Variants in NCKAP5 observed in about 807,000 individuals in gnomAD.
NCKAP5 encodes the protein nck-associated protein 5.
NCKAP5 carries 92 observed loss-of-function variants against 167.0 expected under a neutral mutation model. The ratio of observed to expected loss-of-function variants is 0.55; its 90% CI spans 0.47 to 0.66. The LOEUF (loss-of-function observed/expected upper bound fraction) is 0.66. Among genes scored for constraint, NCKAP5 ranks in the 30% least tolerant of loss-of-function variants. The pLI is 0.00. For missense variants in NCKAP5, 2,378 were observed against 2,315.0 expected, an observed-to-expected ratio of 1.03 and a Z score of -0.56; for synonymous variants, 891 against 877.4, an observed-to-expected ratio of 1.02 and a Z score of -0.27.
At chr2:133,540,660 G>C (rs1034449085) in intron 2 of NCKAP5, among the ~76,000 whole-genome samples, 2 of 152,076 alleles carry the variant, frequency 1.3e-5, no homozygotes, top group South Asian at 4.2e-4. Context: ...TGAAGGCCAG[G>C]CACAGTGGCT....
chr2:133,417,026 G>A (rs1235815080), intron 3 of NCKAP5, among the ~76,000 whole-genome samples: 1 of 151,354 alleles, frequency 6.6e-6, no homozygotes, highest in Non-Finnish European at 1.5e-5. Context: ...CAGATACTCT[G>A]CTTTTGAAAT....
At chr2:132,972,837 T>TG (rs2076874315) in intron 7 of NCKAP5, among the ~76,000 whole-genome samples, 1 of 147,342 alleles carries the variant, frequency 6.8e-6, no homozygotes, top group African/African-American at 2.5e-5. Context: ...CACTCCAGCC[T>TG]AGCAACACAG....
chr2:132,852,163 G>T (rs1457691275), intron 11 of NCKAP5, among the ~76,000 whole-genome samples: 1 of 152,048 alleles, frequency 6.6e-6, no homozygotes, highest in Non-Finnish European at 1.5e-5. Context: ...TTTTTACTAG[G>T]GGAGTTTTTA....
In NCKAP5 at chr2:133,355,771, T is replaced by C. The variant is rs113769111; in HGVS notation, c.70-52661A>G. 5.1e-4 allele frequency among the ~76,000 whole-genome samples: 78 copies of C among 152,274 alleles called. 1 individual carries two copies. The highest frequency in any genetic ancestry group is 1.8e-3 in the African/African-American group (73 of 41,562). ...TTCTTAAATTCGACCTAGGAAAGCA[T>C]AGTTTCCTCAAACCTTGCGTGTGGA... On this transcript the variant is annotated intron_variant, in intron 3 of 19. Coordinates refer to ENST00000409261, the MANE Select transcript of NCKAP5 (RefSeq NM_207363.3).
At chr2:133,277,270 T>G (rs1236708556) in intron 4 of NCKAP5, among the ~76,000 whole-genome samples, 1 of 152,156 alleles carries the variant, frequency 6.6e-6, no homozygotes, top group Non-Finnish European at 1.5e-5. Context: ...GTAGTACTCC[T>G]GGAAAATGAA....
chr2:132,975,610 C>T (rs910912342), intron 7 of NCKAP5, among the ~76,000 whole-genome samples: 1 of 152,190 alleles, frequency 6.6e-6, no homozygotes, highest in Non-Finnish European at 1.5e-5. Context: ...TAAAGGTATG[C>T]TCCAGGTGGC....
At chr2:133,397,792 C>A (rs1429518375) in intron 3 of NCKAP5, among the ~76,000 whole-genome samples, 1 of 152,146 alleles carries the variant, frequency 6.6e-6, no homozygotes. Flanking sequence ...AGTGTTTTAT[C>A]TAATTTGCAT....
At chr2:133,340,249 C>T (rs777561659) in intron 3 of NCKAP5, among the ~76,000 whole-genome samples, 2 of 152,068 alleles carry the variant, frequency 1.3e-5, no homozygotes, top group African/African-American at 4.8e-5. Flanking sequence ...AGGTAAATGA[C>T]TTTTTGTTGA....
At chr2:133,491,254 G>A (rs1305654321) in intron 3 of NCKAP5, among the ~76,000 whole-genome samples, 4 of 152,176 alleles carry the variant, frequency 2.6e-5, no homozygotes, top group South Asian at 2.1e-4. Flanking sequence ...TAATACACAC[G>A]TAAATAAATA....
the NCKAP5 span, among the ~76,000 whole-genome samples, chr2:133,667,320 G>T: frequency 6.6e-6 from 1 of 151,918 alleles, no homozygotes; most frequent in African/African-American, 2.4e-5. Context: ...ACATCAACCA[G>T]CCTCTCTCTT....
At chr2:133,128,012 C>T (rs1359482774) in intron 6 of NCKAP5, among the ~76,000 whole-genome samples, 1 of 152,120 alleles carries the variant, frequency 6.6e-6, no homozygotes. Context: ...TGTCCTGTTC[C>T]TCCATGAACT....
intron 4 of NCKAP5, among the ~76,000 whole-genome samples, chr2:133,297,727 A>G (rs1352958282): frequency 1.3e-5 from 2 of 152,226 alleles, no homozygotes; most frequent in African/African-American, 4.8e-5. Flanking sequence ...GGTGGTAGCC[A>G]TAAATTAATC....
chr2:132,860,801 G>T (rs1689842454), intron 10 of NCKAP5, among the ~76,000 whole-genome samples, 190 bp from the exon 11 acceptor site: 1 of 152,100 alleles, frequency 6.6e-6, no homozygotes, highest in African/African-American at 2.4e-5. Context: ...GTGCAAAGAA[G>T]ACCAATTTTT....
intron 6 of NCKAP5, among the ~76,000 whole-genome samples, chr2:133,054,009 T>A (rs1361798576): frequency 6.6e-6 from 1 of 152,210 alleles, no homozygotes; most frequent in East Asian, 1.9e-4. Flanking sequence ...AGATGCAGTG[T>A]ATGATGGATG....
chr2:132,951,001 G>A (rs1323302376), intron 8 of NCKAP5, among the ~76,000 whole-genome samples: 1 of 152,172 alleles, frequency 6.6e-6, no homozygotes, highest in Non-Finnish European at 1.5e-5. Context: ...TGAGACAAAG[G>A]TAAGGGAAAA....
intron 11 of NCKAP5, among the ~76,000 whole-genome samples, chr2:132,805,650 T>C (rs916940361): frequency 2.6e-5 from 3 of 114,998 alleles, no homozygotes; most frequent in African/African-American, 1.0e-4. Flanking sequence ...ACTGAAAAAA[T>C]AAAACTATGC....
rs546670143 is a variant in NCKAP5, at chr2:133,457,818, A to C, written c.69+59640T>G. ...TTCTTTTTTCTAGTTTTTTCATGCT[A>C]CACATAATAATTGGTTATGCAACTA... On this transcript the variant is annotated intron_variant, in intron 3 of 19. Coordinates refer to ENST00000409261, the MANE Select transcript of NCKAP5 (RefSeq NM_207363.3). 8.5e-5 allele frequency among the ~76,000 whole-genome samples: 13 copies of C among 152,298 alleles called. 1 individual carries two copies. The highest frequency in any genetic ancestry group is 3.1e-4 in the African/African-American group (13 of 41,578).
rs573080632 is a variant in NCKAP5, at chr2:133,215,019, T to C, written c.144-1240A>G. On this transcript the variant is annotated intron_variant, in intron 4 of 19. Transcript: ENST00000409261. ...CAGTCTTTTAGTAGAAATAGTTCTCTCTGAATAAATACCTAAAGGCACAGA... is the reference window on the plus strand; with the variant it reads ...CAGTCTTTTAGTAGAAATAGTTCTCCCTGAATAAATACCTAAAGGCACAGA... Among the ~76,000 whole-genome samples, 16 of 152,334 alleles carry C rather than the reference T, an allele frequency of 1.1e-4. No homozygotes were observed. The South Asian group carries it at 3.3e-3, about 32-fold the overall frequency.
At chr2:132,870,569 C>T (rs781158840) in intron 9 of NCKAP5, among the ~76,000 whole-genome samples, 1 of 151,880 alleles carries the variant, frequency 6.6e-6, no homozygotes, top group South Asian at 2.1e-4. Flanking sequence ...AGTGAGTTGG[C>T]AAAAACACAA....
Sources: allele counts gnomAD v4.1 joint callset (sites outside exome capture counted in the v4.1 genomes callset), GRCh38; gene constraint gnomAD v4.1.1; transcripts MANE v1.5; gene names NCBI Gene and HGNC (gene_info 2026-07-23, HGNC 2026-07-21).